HERC3: variants seen among roughly 807,000 people sequenced by gnomAD.
HERC3 encodes probable E3 ubiquitin-protein ligase HERC3.
HERC3 carries 58 observed loss-of-function variants against 129.9 expected under a neutral mutation model. That is an observed-to-expected ratio of 0.45 (90% CI 0.36 to 0.56). The LOEUF is 0.56. HERC3 is among the 20% of genes least tolerant of loss of function. HERC3 has a pLI of 0.00. For missense variants in HERC3, 835 were observed against 1,244.2 expected, an observed-to-expected ratio of 0.67 and a Z score of 4.95; for synonymous variants, 430 against 451.0, an observed-to-expected ratio of 0.95 and a Z score of 0.59.
At chr4:88,641,849 T>C (rs1728128116) in intron 3 of HERC3, among the ~76,000 whole-genome samples, 1 of 152,018 alleles carries the variant, frequency 6.6e-6, no homozygotes, top group Non-Finnish European at 1.5e-5. Context: ...CCGGGCACGG[T>C]GCTCATGCCT....
At chr4:88,705,234 A>G (rs947199870) in intron 25 of HERC3, among the ~76,000 whole-genome samples, 2 of 152,192 alleles carry the variant, frequency 1.3e-5, no homozygotes, top group Non-Finnish European at 2.9e-5. Flanking sequence ...TCCATTTATG[A>G]AGTCAAATTG....
chr4:88,590,267 C>CA (rs35519732), upstream of HERC3, among the ~76,000 whole-genome samples: 15 of 146,694 alleles, frequency 1.0e-4, no homozygotes, highest in African/African-American at 3.5e-4. Flanking sequence ...GACTCCTTCT[C>CA]AAAAAAACAA....
Position 88,681,170 on chromosome 4 carries a change from G to A in HERC3, c.2352G>A (p.Glu784=). 1 of 1,610,656 alleles carries A rather than the reference G, an allele frequency of 6.2e-7. No individual in the cohort carries two copies. Among genetic ancestry groups the A allele is most frequent in the Non-Finnish European group, 8.5e-7 (1 of 1,178,972 alleles). The stretch of plus-strand genomic sequence containing the variant: ...TGTGTCCTAAAAAGTGTTTTGTAGA[G>A]CACAACTGGTTTCACTTGATTGGTA... ...LLWFSDTCFV[E]HNWFHLIGIT... Residue 784 remains glutamate (E), a synonymous_variant, in exon 21 of 26, where the codon GAG becomes GAA. Transcript: ENST00000402738.
the HERC3 span, among the ~76,000 whole-genome samples, chr4:88,554,471 T>C: frequency 6.6e-6 from 1 of 151,624 alleles, no homozygotes; most frequent in Non-Finnish European, 1.5e-5. Flanking sequence ...ATGAGGTAAA[T>C]AAAATGATTG....
intron 10 of HERC3, 40 bp downstream of exon 10, chr4:88,658,531 A>G (rs1309876741): frequency 4.9e-6 from 5 of 1,019,652 alleles, no homozygotes; most frequent in Non-Finnish European, 6.1e-6. Flanking sequence ...AGGAAGGAAT[A>G]ATAGTGAACC....
rs759704995 is a variant in HERC3, at chr4:88,605,869, A to G, written c.46A>G (p.Thr16Ala). Reference sequence around the variant, plus strand: ...GTCTCTGGGCCAACCTGGTATCAGCACCAACCTGCAGGGAATTGTGGCTGA... The same window carrying G: ...GTCTCTGGGCCAACCTGGTATCAGCGCCAACCTGCAGGGAATTGTGGCTGA... ...YWSLGQPGISTNLQGIVAEPQ... is the reference protein window; with the variant it reads ...YWSLGQPGISANLQGIVAEPQ... Residue 16 changes from threonine to alanine, a missense_variant, in exon 3 of 26, where the codon ACC becomes GCC. Physicochemically the swap from Thr to Ala is moderately conservative, Grantham distance 58. Transcript: ENST00000402738. 5 of 1,614,220 alleles carry G rather than the reference A, an allele frequency of 3.1e-6. No homozygotes were observed. Among genetic ancestry groups the G allele is most frequent in the Non-Finnish European group, 4.2e-6 (5 of 1,180,024 alleles).
chr4:88,662,097 A>G (rs1220557858), intron 10 of HERC3, among the ~76,000 whole-genome samples: 1 of 152,172 alleles, frequency 6.6e-6, no homozygotes, highest in African/African-American at 2.4e-5. Context: ...TTCAGTTATA[A>G]CAGAGGCCTC....
the HERC3 span, among the ~76,000 whole-genome samples, chr4:88,561,998 T>C: frequency 1.3e-5 from 2 of 152,222 alleles, no homozygotes; most frequent in African/African-American, 4.8e-5. Context: ...TCCATTCTTT[T>C]GGGTATTTAC....
intron 1 of HERC3, among the ~76,000 whole-genome samples, chr4:88,593,818 G>C (rs1722026437): frequency 1.3e-5 from 2 of 152,226 alleles, no homozygotes; most frequent in African/African-American, 2.4e-5. Flanking sequence ...TAAATGCGGT[G>C]ATCGGGTATC....
At chr4:88,617,534 A>G (rs1331534034) in intron 3 of HERC3, among the ~76,000 whole-genome samples, 4 of 152,200 alleles carry the variant, frequency 2.6e-5, no homozygotes, top group Non-Finnish European at 5.9e-5. Context: ...TGAAACAGCA[A>G]GTTCTACATT....
the HERC3 span, among the ~76,000 whole-genome samples, chr4:88,582,497 G>A: frequency 2.6e-5 from 4 of 152,128 alleles, no homozygotes; most frequent in African/African-American, 9.7e-5. Flanking sequence ...CTTCCAATGT[G>A]CAGGGATAAG....
chr4:88,650,409 CA>C (rs1160255212), intron 4 of HERC3, among the ~76,000 whole-genome samples: 1 of 152,206 alleles, frequency 6.6e-6, no homozygotes, highest in Non-Finnish European at 1.5e-5. Flanking sequence ...TCACTTTAAG[CA>C]TTACAAACAG....
At chr4:88,567,055 G>A in the HERC3 span, among the ~76,000 whole-genome samples, 1 of 152,048 alleles carries the variant, frequency 6.6e-6, no homozygotes, top group Non-Finnish European at 1.5e-5. Flanking sequence ...TCCCAAAGTG[G>A]TGGAATTACA....
rs186438933 is a variant in HERC3, at chr4:88,604,022, A to G, written c.-29-1773A>G. Among the ~76,000 whole-genome samples, 29 of 151,424 alleles carry G rather than the reference A, an allele frequency of 1.9e-4. No individual in the cohort carries two copies. The East Asian group carries it at 5.6e-3, about 29-fold the overall frequency. ...ATATAATTCACATACCATAAAATTT[A>G]CTTTTTTTTTTTTTTGATACTGAAT... On this transcript the variant is annotated intron_variant, in intron 2 of 25. Transcript: ENST00000402738.
chr4:88,617,175 C>CAAA (rs1162260456), intron 3 of HERC3, among the ~76,000 whole-genome samples: 412 of 31,786 alleles, frequency 0.013, 3 homozygotes, highest in East Asian at 0.057. Flanking sequence ...ACCCTGTCTC[C>CAAA]AAAAAAAAAA....
the HERC3 span, among the ~76,000 whole-genome samples, chr4:88,561,331 C>T: frequency 6.6e-6 from 1 of 151,946 alleles, no homozygotes; most frequent in Non-Finnish European, 1.5e-5. Flanking sequence ...TTAATTTCTA[C>T]CCTAGAATTT....
In HERC3 at chr4:88,649,459, C is replaced by T. The variant is rs1221387947; in HGVS notation, c.227-381C>T. ...ATTGTTCCAGGCAGAGTTTCACTCA[C>T]TCCCGCTACTTTTAGAAATATGTTT... is the stretch of plus-strand genomic sequence containing the variant. On this transcript the variant is annotated intron_variant, in intron 3 of 25. Coordinates refer to ENST00000402738, the MANE Select transcript of HERC3 (RefSeq NM_014606.3). Among the ~76,000 whole-genome samples, 5 of 152,240 alleles carry T rather than the reference C, an allele frequency of 3.3e-5. No homozygotes were observed. The East Asian group carries it at 5.8e-4, about 18-fold the overall frequency.
At position 88,704,180 on chromosome 4, in the gene HERC3, C is replaced by T; in HGVS notation, c.2740C>T (p.Leu914=). 6.2e-7 allele frequency: 1 copy of T among 1,614,080 alleles called. No individual in the cohort carries two copies. The highest frequency in any genetic ancestry group is 1.1e-5 in the South Asian group (1 of 91,084). ...EWYTAFSSGF[L]KVCGGKVLEL... is the part of the protein sequence containing the mutation. ...GTACACAGCCTTCTCTAGTGGCTTC[C>T]TAAAGGTGTGTGGTGGCAAAGTACT... The change falls in exon 24 of 26, where the codon CTA becomes TTA. Residue 914 remains leucine, a synonymous_variant. Transcript: ENST00000402738.
intron 3 of HERC3, among the ~76,000 whole-genome samples, chr4:88,606,413 CTT>C (rs1179963269): frequency 6.6e-6 from 1 of 152,020 alleles, no homozygotes; most frequent in Non-Finnish European, 1.5e-5. Flanking sequence ...CACCACAAGA[CTT>C]TTTATTTTTT....
Sources: allele counts gnomAD v4.1 joint callset (sites outside exome capture counted in the v4.1 genomes callset), GRCh38; gene constraint gnomAD v4.1.1; transcripts MANE v1.5; gene names NCBI Gene and HGNC (gene_info 2026-07-23, HGNC 2026-07-21).